The following ZNF462 variants were observed in gnomAD, a reference collection of about 807,000 sequenced individuals.
ZNF462 encodes the protein zinc finger PBX1-interacting protein.
A neutral mutation model predicts 201.9 loss-of-function variants in ZNF462; 10 were observed. The observed-to-expected ratio is 0.05, with a 90% confidence interval of 0.03 to 0.08. The LOEUF (loss-of-function observed/expected upper bound fraction) is 0.08, where lower values mean the gene tolerates loss of function less well. ZNF462 is among the 10% of genes least tolerant of loss of function. ZNF462 has a pLI of 1.00. For synonymous variants in ZNF462, 1,227 were observed against 1,193.3 expected (o/e 1.03, Z -0.58); for missense variants, 2,523 against 3,168.3 (o/e 0.80, Z 4.89).
intron 1 of ZNF462, among the ~76,000 whole-genome samples, chr9:106,899,237 T>TG (rs1828946084): frequency 1.6e-4 from 5 of 32,130 alleles, no homozygotes; most frequent in Admixed American, 5.0e-4. Context: ...TGTGTGTGTG[T>TG]GTGGGGGGGG....
Position 107,005,473 on chromosome 9 carries a change from A to AT in ZNF462, c.7189+2053dup, listed in dbSNP as rs199570745. On this transcript the variant is annotated intron_variant, in intron 11 of 12. Coordinates refer to ENST00000277225, the MANE Select transcript of ZNF462 (RefSeq NM_021224.6). This position sits in a 1 kb window ranked among gnomAD's most constrained non-coding sequence, Gnocchi z 4.4. ...TCCCTGATGATTAGTGATGTTGAACATTTTTTCATATGCCTGCTGGCCATT... is the reference window on the plus strand; with the variant it reads ...TCCCTGATGATTAGTGATGTTGAACATTTTTTTCATATGCCTGCTGGCCATT... Among the ~76,000 whole-genome samples, 676 of 152,214 alleles carry AT rather than the reference A, an allele frequency of 4.4e-3. 2 individuals carry two copies. Among genetic ancestry groups the AT allele is most frequent in the Middle Eastern group, 0.01 (3 of 294 alleles).
chr9:106,907,986 T>G (rs923442763), intron 1 of ZNF462, among the ~76,000 whole-genome samples: 2 of 152,022 alleles, frequency 1.3e-5, no homozygotes, highest in Non-Finnish European at 2.9e-5. Flanking sequence ...GTTAAAAAAT[T>G]TTCTCAAATG....
Position 106,978,278 on chromosome 9 carries a change from G to A in ZNF462, c.6832+4005G>A, listed in dbSNP as rs932900948. 2.0e-5 allele frequency among the ~76,000 whole-genome samples: 3 copies of A among 151,480 alleles called. No individual in the cohort carries two copies. Among genetic ancestry groups the A allele is most frequent in the Non-Finnish European group, 2.9e-5 (2 of 68,016 alleles). On this transcript the variant is annotated intron_variant, in intron 9 of 12. Coordinates refer to ENST00000277225, the MANE Select transcript of ZNF462 (RefSeq NM_021224.6). The surrounding 1 kb of genome is among the most constrained non-coding windows in gnomAD (Gnocchi z 4.1). The stretch of plus-strand genomic sequence containing the variant: ...GACAATTTAATAAACCACTGAGGTC[G>A]GTGGAAGCAAGACATGTTTGCAGAA...
intron 1 of ZNF462, among the ~76,000 whole-genome samples, chr9:106,867,146 C>G (rs1056290340): frequency 3.9e-5 from 6 of 152,158 alleles, no homozygotes; most frequent in Non-Finnish European, 7.4e-5. Context: ...AAGACACATC[C>G]ATCTCTGATG....
In ZNF462 at chr9:106,932,333, T is replaced by C. The variant is rs746934033; in HGVS notation, c.6013-113T>C. The C allele has an allele frequency of 1.9e-5, 29 of 1,565,506 alleles. No homozygotes were observed. The highest frequency in any genetic ancestry group is 2.3e-5 in the Non-Finnish European group (27 of 1,154,802). ...GCAGCCAAAGACGCCAGTGGCGCCC[T>C]GGTGGGCCGGGTGGATGGTGAACAC... On this transcript the variant is annotated intron_variant, in intron 4 of 12. Transcript: ENST00000277225. This position sits in a 1 kb window ranked among gnomAD's most constrained non-coding sequence, Gnocchi z 6.8.
At chr9:106,939,150 AG>A in intron 7 of ZNF462, 43 bp downstream of exon 7, 1 of 1,483,006 alleles carries the variant, frequency 6.7e-7, no homozygotes, top group Non-Finnish European at 9.0e-7. Flanking sequence ...CTCAGGGTTG[AG>A]GTGGGCTGGG....
upstream of ZNF462, chr9:106,862,976 T>G (rs1827119891): frequency 5.0e-6 from 2 of 396,154 alleles, no homozygotes; most frequent in Non-Finnish European, 8.9e-6. The surrounding 1 kb of genome is among the most constrained non-coding windows in gnomAD (Gnocchi z 4.2). Context: ...TTGCTTTCTC[T>G]CTCCCCCTGG....
At position 106,929,168 on chromosome 9, in the gene ZNF462, C is replaced by T. The variant is rs1830323839; in HGVS notation, c.5256C>T (p.Asp1752=). Residue 1752 remains aspartate (D), a synonymous_variant, in exon 3 of 13, where the codon GAC becomes GAT. Transcript: ENST00000277225. The surrounding 1 kb of genome is among the most constrained non-coding windows in gnomAD (Gnocchi z 8.7). ...KVIIPSPPKD[D]SPQLSEELRR... is the part of the protein sequence containing the mutation. ...TCATCCCATCCCCGCCCAAGGACGA[C>T]TCCCCTCAGCTGAGCGAGGAACTCC... 6.2e-7 allele frequency: 1 copy of T among 1,614,176 alleles called. No homozygotes were observed. Among genetic ancestry groups the T allele is most frequent in the Non-Finnish European group, 8.5e-7 (1 of 1,180,026 alleles).
rs1830086381 is a variant in ZNF462, at chr9:106,923,946, A to G, written c.221-187A>G. On this transcript the variant is annotated intron_variant, in intron 2 of 12. Transcript: ENST00000277225. This position sits in a 1 kb window ranked among gnomAD's most constrained non-coding sequence, Gnocchi z 5.6. ...AAAGCTATACACTGCATCTTTATCC[A>G]TGAGAAGGTGCAGTACGTATATCTT... 2.0e-5 allele frequency among the ~76,000 whole-genome samples: 3 copies of G among 152,356 alleles called. No individual in the cohort carries two copies. The South Asian group carries it at 6.2e-4, about 32-fold the overall frequency.
chr9:106,977,717 A>G lies in ZNF462; in HGVS notation c.6832+3444A>G, dbSNP rs901523512. Among the ~76,000 whole-genome samples, 1 of 151,552 alleles carries G rather than the reference A, an allele frequency of 6.6e-6. No homozygotes were observed. The highest frequency in any genetic ancestry group is 1.5e-5 in the Non-Finnish European group (1 of 68,032). On this transcript the variant is annotated intron_variant, in intron 9 of 12. Coordinates refer to ENST00000277225, the MANE Select transcript of ZNF462 (RefSeq NM_021224.6). The surrounding 1 kb of genome is among the most constrained non-coding windows in gnomAD (Gnocchi z 4.6). ...GACAGTGAGTGATGGGTATCTAGGT[A>G]TATTTCTGTTTGTAGTAGAGAGGGG...
In ZNF462 at chr9:106,932,123, G is replaced by A. The variant is rs1159371384; in HGVS notation, c.6013-323G>A. 5 of 1,326,198 alleles carry A rather than the reference G, an allele frequency of 3.8e-6. No homozygotes were observed. The highest frequency in any genetic ancestry group is 1.5e-5 in the African/African-American group (1 of 67,900). The allele number at this position is 1,326,198 out of a possible 1,614,324, so 82.2% of individuals were successfully genotyped here. A position where few individuals can be genotyped will look rare whatever the true frequency, so the allele number is the denominator to read the frequency against. Reference sequence around the variant, plus strand: ...TGGGCTTGCTCTCCCTCTAGGGGTAGCTGGAGAGGCAGGGGAGGAAGCTTT... The same window carrying A: ...TGGGCTTGCTCTCCCTCTAGGGGTAACTGGAGAGGCAGGGGAGGAAGCTTT... On this transcript the variant is annotated intron_variant, in intron 4 of 12. Transcript: ENST00000277225. The surrounding 1 kb of genome is among the most constrained non-coding windows in gnomAD (Gnocchi z 6.8).
At position 106,905,497 on chromosome 9, in the gene ZNF462, C is replaced by A. The variant is rs115317238; in HGVS notation, c.-30-17857C>A. On this transcript the variant is annotated intron_variant, in intron 1 of 12. Coordinates refer to ENST00000277225, the MANE Select transcript of ZNF462 (RefSeq NM_021224.6). The surrounding 1 kb of genome is among the most constrained non-coding windows in gnomAD (Gnocchi z 5.9). ...GCCCTAGAATCCCCAAGATTATATG[C>A]CCTTTGTCTTCCACTACTAGGGTGG... 0.031 allele frequency among the ~76,000 whole-genome samples: 4,708 copies of A among 152,192 alleles called. 261 individuals are homozygous for A. Among genetic ancestry groups the A allele is most frequent in the African/African-American group, 0.11 (4,400 of 41,500 alleles).
chr9:106,892,491 G>A (rs976616059), intron 1 of ZNF462, among the ~76,000 whole-genome samples: 2 of 151,382 alleles, frequency 1.3e-5, no homozygotes. Flanking sequence ...TCATCTAAGA[G>A]TTCTTCTCAC....
In ZNF462 at chr9:106,930,462, G is replaced by A; in HGVS notation, c.5848-63G>A. 1 of 1,588,954 alleles carries A rather than the reference G, an allele frequency of 6.3e-7. No individual in the cohort carries two copies. Among genetic ancestry groups the A allele is most frequent in the Non-Finnish European group, 8.6e-7 (1 of 1,162,808 alleles). On this transcript the variant is annotated intron_variant, in intron 3 of 12. Coordinates refer to ENST00000277225, the MANE Select transcript of ZNF462 (RefSeq NM_021224.6). The surrounding 1 kb of genome is among the most constrained non-coding windows in gnomAD (Gnocchi z 5.8). Reference sequence around the variant, plus strand: ...AATAAAGTATGTTAGTAAACTGCAAGAATAAATTCTGACAATTGAGGGAGG... The same window carrying A: ...AATAAAGTATGTTAGTAAACTGCAAAAATAAATTCTGACAATTGAGGGAGG...
chr9:106,927,102 C>A lies in ZNF462; in HGVS notation c.3190C>A (p.Gln1064Lys), dbSNP rs1468307727. 4 of 1,614,134 alleles carry A rather than the reference C, an allele frequency of 2.5e-6. No homozygotes were observed. The highest frequency in any genetic ancestry group is 3.4e-6 in the Non-Finnish European group (4 of 1,180,020). Reference sequence around the variant, plus strand: ...AGAAAAGGCTTCCTACTTTAGGATCCAGAAAACTATGCGAATGGTGTCTGT... The same window carrying A: ...AGAAAAGGCTTCCTACTTTAGGATCAAGAAAACTATGCGAATGGTGTCTGT... Reference protein sequence around the residue: ...PEEKASYFRIQKTMRMVSVDR... With the variant: ...PEEKASYFRIKKTMRMVSVDR... Residue 1064 changes from glutamine to lysine, a missense_variant, in exon 3 of 13, where the codon CAG (glutamine) becomes AAG (lysine). Physicochemically the swap from Gln to Lys is moderately conservative, Grantham distance 53. Around this residue, in one of 15 missense-constraint regions of ZNF462, gnomAD observed 280 missense variants for 321.3 expected, o/e 0.87. Coordinates refer to ENST00000277225, the MANE Select transcript of ZNF462 (RefSeq NM_021224.6).
intron 1 of ZNF462, among the ~76,000 whole-genome samples, chr9:106,891,823 G>GT (rs1393047078): frequency 6.6e-6 from 1 of 152,104 alleles, no homozygotes; most frequent in African/African-American, 2.4e-5. Context: ...ATTCAAGAGA[G>GT]TTTTTTCCCA....
At position 106,925,449 on chromosome 9, in the gene ZNF462, C is replaced by T; in HGVS notation, c.1537C>T (p.Leu513=). 6.2e-7 allele frequency: 1 copy of T among 1,614,192 alleles called. No homozygotes were observed. The highest frequency in any genetic ancestry group is 1.1e-5 in the South Asian group (1 of 91,076). ...CCAGAGTGAAAGCATTTCTTCCTCA[C>T]TGAATGAAGGTGTGGTGTCTTATGA... ...NSQSESISSS[L]NEGVVSYESS... Residue 513 remains leucine, a synonymous_variant, in exon 3 of 13, where the codon CTG becomes TTG. Coordinates refer to ENST00000277225, the MANE Select transcript of ZNF462 (RefSeq NM_021224.6). This position sits in a 1 kb window ranked among gnomAD's most constrained non-coding sequence, Gnocchi z 7.9.
chr9:106,888,673 C>T (rs1828438329), intron 1 of ZNF462, among the ~76,000 whole-genome samples: 1 of 152,190 alleles, frequency 6.6e-6, no homozygotes, highest in Admixed American at 6.5e-5. Context: ...CCACATCTGT[C>T]ACTCTTCCCA....
chr9:106,985,796 A>G (rs12684556), intron 10 of ZNF462, among the ~76,000 whole-genome samples: 12,791 of 152,190 alleles, frequency 0.084, 1,308 homozygotes, highest in African/African-American at 0.24. Flanking sequence ...GTGTTGAGAG[A>G]GAAGGCTGAG....
Sources: gnomAD v4.1 joint callset for allele counts (sites outside exome capture counted in the v4.1 genomes callset) on GRCh38, gnomAD v4.1.1 for gene constraint, gnomAD v4.1.1 regional missense constraint, Gnocchi (gnomAD v3.1) non-coding constraint, MANE v1.5 for transcripts, NCBI Gene and HGNC (gene_info 2026-07-23, HGNC 2026-07-21) for gene names.